DNAJC10: variants seen among roughly 807,000 people sequenced by gnomAD.
DNAJC10 encodes DnaJ heat shock protein family (Hsp40) member C10.
DNAJC10 carries 101 observed loss-of-function variants against 115.0 expected under a neutral mutation model. The ratio of observed to expected loss-of-function variants is 0.88; its 90% confidence interval spans 0.75 to 1.04. The LOEUF is 1.04. Ranked by LOEUF, DNAJC10 falls within the 50% of genes least tolerant of loss-of-function variation. The pLI, the probability that DNAJC10 is intolerant of heterozygous loss-of-function variation, is 0.00. For missense variants in DNAJC10, 981 were observed against 928.8 expected (o/e 1.06, Z -0.73); for synonymous variants, 307 against 301.5 (o/e 1.02, Z -0.19).
chr2:182,717,682 G>A (rs912353579), intron 2 of DNAJC10, among the ~76,000 whole-genome samples: 1 of 152,168 alleles, frequency 6.6e-6, no homozygotes, highest in Non-Finnish European at 1.5e-5. Flanking sequence ...CTCGTCAGAG[G>A]TCTTTTCTCA....
chr2:182,735,129 T>C (rs961628591), intron 10 of DNAJC10, among the ~76,000 whole-genome samples: 2 of 151,822 alleles, frequency 1.3e-5, no homozygotes, highest in Non-Finnish European at 3.0e-5. Context: ...TTCTTTTGGA[T>C]TAAGCAAGTG....
intron 11 of DNAJC10, among the ~76,000 whole-genome samples, chr2:182,738,752 G>A (rs985008366): frequency 5.9e-5 from 9 of 152,118 alleles, no homozygotes; most frequent in Non-Finnish European, 1.3e-4. Flanking sequence ...GTGTTAGCCA[G>A]GATGGTCTCG....
At chr2:182,722,378 C>T (rs1574916392) in intron 5 of DNAJC10, among the ~76,000 whole-genome samples, 2 of 152,184 alleles carry the variant, frequency 1.3e-5, no homozygotes, top group Non-Finnish European at 2.9e-5. Flanking sequence ...CTTCTCAGAG[C>T]TTTTTGATTT....
chr2:182,751,279 C>T (rs1382649025), intron 14 of DNAJC10, among the ~76,000 whole-genome samples: 1 of 151,658 alleles, frequency 6.6e-6, no homozygotes, highest in Non-Finnish European at 1.5e-5. Flanking sequence ...GGACTACACA[C>T]GTGGCCACCA....
chr2:182,729,022 A>C (rs1426816271), intron 7 of DNAJC10, 28 bp downstream of exon 7: 1 of 1,608,732 alleles, frequency 6.2e-7, no homozygotes, highest in African/African-American at 1.3e-5. Context: ...CATTTTTTAA[A>C]TTTGTGAAAC....
intron 17 of DNAJC10, among the ~76,000 whole-genome samples, chr2:182,755,325 T>C (rs1233826295): frequency 6.6e-6 from 1 of 152,190 alleles, no homozygotes; most frequent in African/African-American, 2.4e-5. Context: ...GTATGTACAG[T>C]GCCTTATAAA....
intron 22 of DNAJC10, among the ~76,000 whole-genome samples, chr2:182,767,179 A>G (rs1694434875): frequency 6.6e-6 from 1 of 152,134 alleles, no homozygotes; most frequent in Non-Finnish European, 1.5e-5. Flanking sequence ...TCTGGTGGGT[A>G]AAGAGGATAC....
At chr2:182,748,457 G>C (rs571404964) in intron 14 of DNAJC10, among the ~76,000 whole-genome samples, 1 of 152,112 alleles carries the variant, frequency 6.6e-6, no homozygotes, top group Non-Finnish European at 1.5e-5. Flanking sequence ...GTTTAGTCTT[G>C]GGATAGTGTA....
chr2:182,775,279 T>G lies in DNAJC10; in HGVS notation c.2266-37T>G, dbSNP rs1207615369. On this transcript the variant is annotated intron_variant, in intron 22 of 23. Transcript: ENST00000264065. ...TTAGGTGGAAATGTTATGTTTTTATTAAATACTTAAAAGATAACAAGTGTT... is the reference window on the plus strand; with the variant it reads ...TTAGGTGGAAATGTTATGTTTTTATGAAATACTTAAAAGATAACAAGTGTT... 3.1e-6 allele frequency: 4 copies of G among 1,284,012 alleles called. No homozygotes were observed. In the African/African-American group the frequency reaches 6.0e-5, roughly 19 times the overall value. The allele number at this position is 1,284,012 out of a possible 1,614,324, so 79.5% of individuals were successfully genotyped here. A position where few individuals can be genotyped will look rare whatever the true frequency, so the allele number is the denominator to read the frequency against.
At position 182,788,687 on chromosome 2, in the gene DNAJC10, CA is replaced by C. The variant is rs2105729021; in HGVS notation, c.*11556del. ...AGAACAAAAGGAAGTGAGCTTATCC[CA>C]CAGCACAAGTAACGTCTATTTATCT... On this transcript the variant is annotated 3_prime_UTR_variant, in exon 24 of 24. Transcript: ENST00000264065. 1 of 385,128 alleles carries C rather than the reference CA, an allele frequency of 2.6e-6. No homozygotes were observed. Among genetic ancestry groups the C allele is most frequent in the Non-Finnish European group, 5.1e-6 (1 of 196,978 alleles). 23.9% of individuals were successfully genotyped at this position (385,128 alleles called of 1,614,324 possible).
At chr2:182,766,333 G>A (rs1410374856) in intron 22 of DNAJC10, among the ~76,000 whole-genome samples, 2 of 152,158 alleles carry the variant, frequency 1.3e-5, no homozygotes, top group Admixed American at 6.6e-5. Context: ...GAATGAGAGC[G>A]AATATGTATG....
chr2:182,751,579 G>T, intron 14 of DNAJC10, 79 bp from the exon 15 acceptor site: 1 of 1,448,968 alleles, frequency 6.9e-7, no homozygotes, highest in South Asian at 1.3e-5. Flanking sequence ...TTAGTATTCT[G>T]AGTATTAAAA....
intron 18 of DNAJC10, 95 bp from the exon 19 acceptor site, chr2:182,757,592 AATAAT>A (rs141152570): frequency 0.55 from 520,632 of 945,084 alleles, 149,019 homozygotes; most frequent in Middle Eastern, 0.63. Flanking sequence ...GTCACTGATA[AATAAT>A]ATAATAACTG....
intron 21 of DNAJC10, among the ~76,000 whole-genome samples, chr2:182,761,123 G>A (rs1380502049): frequency 6.6e-6 from 1 of 152,066 alleles, no homozygotes. Context: ...GAAATTCCAT[G>A]TCTTTAAGGA....
chr2:182,731,528 T>G (rs1187081238), intron 9 of DNAJC10, among the ~76,000 whole-genome samples: 1 of 152,134 alleles, frequency 6.6e-6, no homozygotes, highest in Non-Finnish European at 1.5e-5. Context: ...ATTATATACT[T>G]GAAGATGACA....
At chr2:182,753,157 C>G (rs1242181691) in intron 16 of DNAJC10, among the ~76,000 whole-genome samples, 1 of 151,932 alleles carries the variant, frequency 6.6e-6, no homozygotes, top group African/African-American at 2.4e-5. Context: ...TTAAAATGAT[C>G]TTGGGAGTAG....
chr2:182,762,707 G>A lies in DNAJC10; in HGVS notation c.2171G>A (p.Gly724Glu). 1 of 1,612,518 alleles carries A rather than the reference G, an allele frequency of 6.2e-7. No homozygotes were observed. The highest frequency in any genetic ancestry group is 8.5e-7 in the Non-Finnish European group (1 of 1,178,922). Residue 724 changes from glycine (G) to glutamate (E), a missense_variant, in exon 22 of 24, where the codon GGA becomes GAA. Transcript: ENST00000264065. ...ARMIKGKVKA[G>E]KVDCQAYAQT... ...ATGATTAAAGGAAAAGTGAAAGCTGGAAAAGTAGACTGTCAGGCTTATGCT... is the reference window on the plus strand; with the variant it reads ...ATGATTAAAGGAAAAGTGAAAGCTGAAAAAGTAGACTGTCAGGCTTATGCT...
At chr2:182,734,898 G>T (rs1329067075) in intron 10 of DNAJC10, among the ~76,000 whole-genome samples, 1 of 151,094 alleles carries the variant, frequency 6.6e-6, no homozygotes, top group East Asian at 1.9e-4. Context: ...TTTGTTTAAT[G>T]TTGGCATTTT....
chr2:182,736,437 C>A (rs1363686627), intron 11 of DNAJC10, 51 bp downstream of exon 11: 9 of 1,290,242 alleles, frequency 7.0e-6, no homozygotes, highest in Non-Finnish European at 7.2e-6. Flanking sequence ...CAAACACCCT[C>A]AAAAATAATA....
Sources: allele counts gnomAD v4.1 joint callset (sites outside exome capture counted in the v4.1 genomes callset), GRCh38; gene constraint gnomAD v4.1.1; transcripts MANE v1.5; gene names NCBI Gene and HGNC (gene_info 2026-07-23, HGNC 2026-07-21).